Variants in NSD1 observed in about 807,000 individuals in gnomAD.
The protein encoded by NSD1 is histone-lysine N-methyltransferase, H3 lysine-36 specific.
A neutral mutation model predicts 242.7 loss-of-function variants in NSD1; 26 were observed. The ratio of observed to expected loss-of-function variants is 0.11; its 90% CI spans 0.08 to 0.15. The LOEUF is 0.15. Among genes scored for constraint, NSD1 ranks in the 10% least tolerant of loss-of-function variants. The probability of loss-of-function intolerance (pLI) is 1.00; values close to 1 mark genes in which losing one functional copy is unlikely to be tolerated. For synonymous variants in NSD1, 1,106 were observed against 1,178.1 expected (o/e 0.94, Z 1.25); for missense variants, 2,495 against 3,272.8 (o/e 0.76, Z 5.80).
chr5:177,168,501 C>T (rs1354115236), intron 2 of NSD1, among the ~76,000 whole-genome samples: 2 of 150,544 alleles, frequency 1.3e-5, no homozygotes, highest in African/African-American at 4.9e-5. Flanking sequence ...ACTTTGTCGC[C>T]CAGGCTGGAG....
intron 3 of NSD1, among the ~76,000 whole-genome samples, chr5:177,201,792 C>T (rs1232550028): frequency 1.3e-5 from 2 of 151,660 alleles, no homozygotes; most frequent in African/African-American, 2.4e-5. Flanking sequence ...CTCCTGACCT[C>T]AGGTGATCCG....
Position 177,210,375 on chromosome 5 carries a change from A to T in NSD1, c.1976A>T (p.Asp659Val). Reference protein sequence around the residue: ...LDPIEHSSESDNSVLEIPDAF... With the variant: ...LDPIEHSSESVNSVLEIPDAF... ...CCCATAGAACACAGCTCAGAGTCTG[A>T]TAACAGTGTCCTTGAAATTCCAGAT... The change falls in exon 5 of 23, where the codon GAT (aspartate) becomes GTT (valine). Residue 659 changes from aspartate (D) to valine (V), a missense_variant. Asp to Val is a radical substitution (Grantham distance 152). Around this residue, in one of 19 missense-constraint regions of NSD1, gnomAD observed 515 missense variants for 467.0 expected, o/e 1.10. Transcript: ENST00000439151. 1 of 1,614,198 alleles carries T rather than the reference A, an allele frequency of 6.2e-7. No homozygotes were observed. Among genetic ancestry groups the T allele is most frequent in the Non-Finnish European group, 8.5e-7 (1 of 1,180,034 alleles).
rs1760489575 is a variant in NSD1 at position 177,299,868 on chromosome 5, T to C, written c.*4409T>C. 8.6e-6 allele frequency: 2 copies of C among 233,202 alleles called. No individual in the cohort carries two copies. The highest frequency in any genetic ancestry group is 1.7e-5 in the Non-Finnish European group (2 of 118,132). 14.4% of individuals were successfully genotyped at this position (233,202 alleles called of 1,614,324 possible). On this transcript the variant is annotated 3_prime_UTR_variant, in exon 23 of 23. Transcript: ENST00000439151. ...GGCAGGCCAGAGCAAGGCGGTCTCA[T>C]CGAGGTGGGTGCTACCTGTGTGTGT... is the stretch of plus-strand genomic sequence containing the variant.
chr5:177,255,847 G>A (rs1397030134), intron 12 of NSD1, among the ~76,000 whole-genome samples: 1 of 152,066 alleles, frequency 6.6e-6, no homozygotes, highest in Non-Finnish European at 1.5e-5. Flanking sequence ...AGCCTCCCAA[G>A]TGCTGAGTAC....
chr5:177,211,138 G>T lies in NSD1; in HGVS notation c.2739G>T (p.Met913Ile). ...PDYKFSTLLM[M>I]LKDMHDSKTK... The stretch of plus-strand genomic sequence containing the variant: ...ACAAATTCAGTACATTGCTAATGAT[G>T]TTGAAAGATATGCATGATAGTAAGA... The change falls in exon 5 of 23, where the codon ATG (methionine) becomes ATT (isoleucine). Residue 913 changes from methionine (M) to isoleucine (I), a missense_variant. Around this residue, in one of 19 missense-constraint regions of NSD1, gnomAD observed 121 missense variants for 167.2 expected, o/e 0.72. Transcript: ENST00000439151. 1 of 1,614,198 alleles carries T rather than the reference G, an allele frequency of 6.2e-7. No homozygotes were observed. The highest frequency in any genetic ancestry group is 2.2e-5 in the East Asian group (1 of 44,886).
chr5:177,198,865 A>C (rs551326373), intron 3 of NSD1, among the ~76,000 whole-genome samples: 1 of 152,268 alleles, frequency 6.6e-6, no homozygotes, highest in African/African-American at 2.4e-5. Flanking sequence ...TATATTCATC[A>C]CCCTAACATG....
chr5:177,182,552 A>G (rs1415985041), intron 2 of NSD1, among the ~76,000 whole-genome samples: 1 of 152,090 alleles, frequency 6.6e-6, no homozygotes, highest in Non-Finnish European at 1.5e-5. Context: ...TAGAACTACA[A>G]GGTTGTGCCA....
At chr5:177,141,725 C>A (rs1484520549) in intron 2 of NSD1, among the ~76,000 whole-genome samples, 3 of 152,126 alleles carry the variant, frequency 2.0e-5, no homozygotes, top group African/African-American at 7.2e-5. Flanking sequence ...TGCTGCTACT[C>A]CACTCTATGA....
At chr5:177,286,916 G>C (rs1272248061) in intron 20 of NSD1, among the ~76,000 whole-genome samples, 1 of 152,212 alleles carries the variant, frequency 6.6e-6, no homozygotes, top group Non-Finnish European at 1.5e-5. Context: ...GTCTGCATAG[G>C]TTCAGGATGG....
In NSD1 at chr5:177,210,182, G is replaced by A. The variant is rs377471340; in HGVS notation, c.1783G>A (p.Glu595Lys). The A allele has an allele frequency of 1.1e-5, 18 of 1,603,350 alleles. No homozygotes were observed. Among genetic ancestry groups the A allele is most frequent in the Non-Finnish European group, 1.5e-5 (18 of 1,175,562 alleles). ...TGGTGACTCTTTATTGGGCTTGCCTGAGGGTGCTTTGATCTCAAAGTGTTC... is the reference window on the plus strand; with the variant it reads ...TGGTGACTCTTTATTGGGCTTGCCTAAGGGTGCTTTGATCTCAAAGTGTTC... ...SNGDSLLGLP[E>K]GALISKCSRE... The change falls in exon 5 of 23, where the codon GAG becomes AAG. Residue 595 changes from glutamate (E) to lysine (K), a missense_variant. Physicochemically the swap from Glu to Lys is moderately conservative, Grantham distance 56 (BLOSUM62 1). This residue lies in a region of NSD1 where 515 missense variants were observed against 467.0 expected (regional missense o/e 1.10). Transcript: ENST00000439151.
chr5:177,251,301 A>G (rs1755940791), intron 11 of NSD1, among the ~76,000 whole-genome samples: 1 of 152,162 alleles, frequency 6.6e-6, no homozygotes, highest in South Asian at 2.1e-4. Context: ...AGATTATTTC[A>G]GAAAAGTGAT....
chr5:177,167,404 G>A (rs950803797), intron 2 of NSD1, among the ~76,000 whole-genome samples: 2 of 151,966 alleles, frequency 1.3e-5, no homozygotes, highest in Admixed American at 6.6e-5. Context: ...GCTTGGTGGC[G>A]CATGCCTGTA....
intron 2 of NSD1, among the ~76,000 whole-genome samples, chr5:177,173,852 C>A (rs559974896): frequency 6.6e-6 from 1 of 152,244 alleles, no homozygotes; most frequent in East Asian, 1.9e-4. Flanking sequence ...CTTCTGAGAA[C>A]AATAGTCATT....
chr5:177,264,970 C>T, intron 14 of NSD1: 1 of 927,388 alleles, frequency 1.1e-6, no homozygotes, highest in Non-Finnish European at 1.8e-6. Context: ...CAGTGTTACC[C>T]AGCATGCTGT....
At chr5:177,257,466 C>T (rs1235674562) in intron 13 of NSD1, among the ~76,000 whole-genome samples, 1 of 152,052 alleles carries the variant, frequency 6.6e-6, no homozygotes, top group African/African-American at 2.4e-5. Context: ...CTCCTGACCT[C>T]GTGATCCACC....
intron 17 of NSD1, among the ~76,000 whole-genome samples, chr5:177,275,958 G>T (rs1297534031): frequency 1.3e-5 from 2 of 152,192 alleles, no homozygotes; most frequent in African/African-American, 4.8e-5. Context: ...GTCTCCCTCT[G>T]TGACCCAGGC....
chr5:177,140,138 C>T (rs976781483), intron 2 of NSD1, among the ~76,000 whole-genome samples: 2 of 152,184 alleles, frequency 1.3e-5, no homozygotes, highest in African/African-American at 4.8e-5. Flanking sequence ...CTTATTTTCT[C>T]TGCATACAGT....
Position 177,210,277 on chromosome 5 carries a change from A to G in NSD1, c.1878A>G (p.Ala626=). The G allele has an allele frequency of 6.2e-7, 1 of 1,608,454 alleles. No individual in the cohort carries two copies. The highest frequency in any genetic ancestry group is 8.5e-7 in the Non-Finnish European group (1 of 1,176,888). ...AAGTGAAGCTCTGCTATATTGGAGCAGGTGATGAGGAAAAGCGAAGTGATT... is the reference window on the plus strand; with the variant it reads ...AAGTGAAGCTCTGCTATATTGGAGCGGGTGATGAGGAAAAGCGAAGTGATT... ...GSKVKLCYIG[A]GDEEKRSDSI... Residue 626 remains alanine, a synonymous_variant, in exon 5 of 23, where the codon GCA becomes GCG. Coordinates refer to ENST00000439151, the MANE Select transcript of NSD1 (RefSeq NM_022455.5).
chr5:177,275,596 G>A (rs1386374535), intron 17 of NSD1, among the ~76,000 whole-genome samples: 2 of 151,770 alleles, frequency 1.3e-5, no homozygotes, highest in African/African-American at 4.8e-5. Context: ...ACCACACCGG[G>A]CTAATTTTTT....
Sources: allele counts gnomAD v4.1 joint callset (sites outside exome capture counted in the v4.1 genomes callset), GRCh38; gene constraint gnomAD v4.1.1; regional missense constraint gnomAD v4.1.1; transcripts MANE v1.5; gene names NCBI Gene and HGNC (gene_info 2026-07-23, HGNC 2026-07-21).